Variants in NOX5 observed in about 807,000 individuals in gnomAD.
NOX5 encodes NADPH oxidase 5.
A neutral mutation model predicts 85.7 loss-of-function variants in NOX5; 76 were observed. The ratio of observed to expected loss-of-function variants is 0.89; its 90% CI spans 0.74 to 1.07. The LOEUF (loss-of-function observed/expected upper bound fraction) is 1.07. NOX5 is among the 50% of genes least tolerant of loss of function. NOX5 has a pLI of 0.00. For synonymous variants in NOX5, 405 were observed against 401.4 expected, an observed-to-expected ratio of 1.01 and a Z score of -0.11; for missense variants, 973 against 999.5, an observed-to-expected ratio of 0.97 and a Z score of 0.36.
chr15:69,025,963 G>A (rs1230313231), intron 1 of NOX5, among the ~76,000 whole-genome samples: 1 of 152,188 alleles, frequency 6.6e-6, no homozygotes, highest in East Asian at 1.9e-4. Context: ...AAGCATTTAA[G>A]CAGAGGGTGG....
intron 10 of NOX5, among the ~76,000 whole-genome samples, chr15:69,045,180 T>A (rs904170527): frequency 6.6e-6 from 1 of 152,246 alleles, no homozygotes; most frequent in African/African-American, 2.4e-5. Context: ...ATCACTTGGA[T>A]GTCTCTGAAG....
In NOX5 at chr15:69,035,934, GAGGTGCCCC is replaced by G. The variant is rs751870707; in HGVS notation, c.1188+1_1188+9del. The stretch of plus-strand genomic sequence containing the variant: ...CTGCATCCGCAGGAGTGGCCACTTT[GAGGTGCCCC>G]AGTTGCTGCCCTTTTGCTTCCCCCA... On this transcript the variant is annotated splice_donor_variant and splice_donor_5th_base_variant and coding_sequence_variant and intron_variant, in exon 7 of 16. Transcript: ENST00000388866. LOFTEE classifies it high-confidence loss of function. 6.2e-7 allele frequency: 1 copy of G among 1,614,034 alleles called. No individual in the cohort carries two copies. The highest frequency in any genetic ancestry group is 1.1e-5 in the South Asian group (1 of 91,078).
intron 3 of NOX5, chr15:69,028,753 G>C: frequency 6.5e-6 from 1 of 154,940 alleles, no homozygotes. Flanking sequence ...ATACAGAGTG[G>C]TATAAAAAAG....
chr15:69,036,899 A>G (rs1409368363), intron 7 of NOX5, 129 bp from the exon 8 acceptor site: 5 of 748,082 alleles, frequency 6.7e-6, no homozygotes, highest in Admixed American at 2.4e-5. Context: ...ATCTTACCCA[A>G]CTCCATCCCC....
rs1410020793 is a variant in NOX5 at position 69,058,614 on chromosome 15, C to G, written c.*1918C>G. On this transcript the variant is annotated 3_prime_UTR_variant, in exon 16 of 16. Coordinates refer to ENST00000388866, the MANE Select transcript of NOX5 (RefSeq NM_024505.4). ...GTGCTTGCACCAAGCCTCCATCTCCCTGGACTGGGAGTCAGCAAGGCCAGG... is the reference window on the plus strand; with the variant it reads ...GTGCTTGCACCAAGCCTCCATCTCCGTGGACTGGGAGTCAGCAAGGCCAGG... 1 of 152,230 alleles carries G rather than the reference C, an allele frequency of 6.6e-6. No individual in the cohort carries two copies. The highest frequency in any genetic ancestry group is 1.5e-5 in the Non-Finnish European group (1 of 68,086). The allele number at this position is 152,230 out of a possible 1,614,324, so 9.4% of individuals were successfully genotyped here.
chr15:69,034,672 T>A (rs1205822462), intron 5 of NOX5, among the ~76,000 whole-genome samples: 1 of 152,222 alleles, frequency 6.6e-6, no homozygotes, highest in Non-Finnish European at 1.5e-5. Flanking sequence ...GCAAGGCACC[T>A]CGAGAACTAA....
intron 9 of NOX5, among the ~76,000 whole-genome samples, chr15:69,039,875 A>G (rs552723029): frequency 1.2e-4 from 18 of 152,334 alleles, no homozygotes; most frequent in African/African-American, 3.8e-4. Flanking sequence ...GGCCAGGCCA[A>G]TGATTGGCCT....
Position 69,049,059 on chromosome 15 carries a change from G to T in NOX5, c.1999+1G>T. 1 of 1,607,704 alleles carries T rather than the reference G, an allele frequency of 6.2e-7. No homozygotes were observed. Among genetic ancestry groups the T allele is most frequent in the Admixed American group, 1.7e-5 (1 of 59,496 alleles). ...GACCAGGCCGAGGAGGCTCAATACG[G>T]TAAGAGAGGGACAGGGCCTGAGGGC... On this transcript the variant is annotated splice_donor_variant, in intron 14 of 15. Transcript: ENST00000388866. LOFTEE classifies it high-confidence loss of function.
intron 10 of NOX5, among the ~76,000 whole-genome samples, chr15:69,043,870 C>A (rs1192461077): frequency 3.9e-5 from 6 of 152,188 alleles, no homozygotes; most frequent in Non-Finnish European, 5.9e-5. Flanking sequence ...CCAGCAACTC[C>A]ATTTTAGAGA....
At chr15:69,043,768 C>T (rs1317990525) in intron 10 of NOX5, among the ~76,000 whole-genome samples, 1 of 152,138 alleles carries the variant, frequency 6.6e-6, no homozygotes, top group African/African-American at 2.4e-5. Context: ...TTCTTGGGAC[C>T]TCAGTCACCT....
chr15:69,041,659 A>T (rs1356138947), intron 9 of NOX5, among the ~76,000 whole-genome samples: 1 of 152,226 alleles, frequency 6.6e-6, no homozygotes, highest in Non-Finnish European at 1.5e-5. Flanking sequence ...ATTAACAAAG[A>T]AGCACATGGA....
chr15:69,037,078 CT>C lies in NOX5; in HGVS notation c.1242del (p.His415MetfsTer65), dbSNP rs1215547322. ...SYLLVWLLLIFHGPNFWKWLL... is the reference protein window; with the variant it reads ...SYLLVWLLLIXHGPNFWKWLL... ...ACCTCCTCGTGTGGCTTCTGCTCAT[CT>C]TTCATGGGCCCAACTTCTGGAAGTG... On this transcript the variant is annotated frameshift_variant, in exon 8 of 16. Coordinates refer to ENST00000388866, the MANE Select transcript of NOX5 (RefSeq NM_024505.4). LOFTEE classifies it high-confidence loss of function. 3 of 1,613,938 alleles carry C rather than the reference CT, an allele frequency of 1.9e-6. No individual in the cohort carries two copies. Among genetic ancestry groups the C allele is most frequent in the Non-Finnish European group, 2.5e-6 (3 of 1,180,016 alleles).
In NOX5 at chr15:69,056,775, C is replaced by A; in HGVS notation, c.*79C>A. ...ATTAGTATAAATGCCCCCACAGGGA[C>A]CAGCCTCAGATGACCCACCCAATAA... On this transcript the variant is annotated 3_prime_UTR_variant, in exon 16 of 16. Transcript: ENST00000388866. 1 of 1,545,440 alleles carries A rather than the reference C, an allele frequency of 6.5e-7. No homozygotes were observed. The highest frequency in any genetic ancestry group is 2.2e-4 in the Middle Eastern group (1 of 4,466).
At chr15:69,047,238 A>G (rs984868553) in intron 11 of NOX5, 175 bp from the exon 12 acceptor site, 6 of 760,306 alleles carry the variant, frequency 7.9e-6, no homozygotes, top group Non-Finnish European at 1.2e-5. Context: ...ACTGGTGCTG[A>G]GAGCACAGGA....
At position 69,061,173 on chromosome 15, in the gene NOX5, A is replaced by G. The variant is rs546335917; in HGVS notation, c.*4477A>G. 114 of 152,348 alleles carry G rather than the reference A, an allele frequency of 7.5e-4. 1 individual carries two copies. Among genetic ancestry groups the G allele is most frequent in the African/African-American group, 2.7e-3 (113 of 41,582 alleles). The allele number at this position is 152,348 out of a possible 1,614,324, so 9.4% of individuals were successfully genotyped here. ...AAAACAAAATGCAGAGATTATCTGC[A>G]GTGTTGTCTAAGATCCTGAATATTG... On this transcript the variant is annotated 3_prime_UTR_variant, in exon 16 of 16. Coordinates refer to ENST00000388866, the MANE Select transcript of NOX5 (RefSeq NM_024505.4).
intron 9 of NOX5, among the ~76,000 whole-genome samples, chr15:69,042,151 T>C (rs1055393811): frequency 6.6e-6 from 1 of 151,932 alleles, no homozygotes; most frequent in Admixed American, 6.6e-5. Context: ...GTGGATTCTA[T>C]TTGGTACCAC....
intron 9 of NOX5, among the ~76,000 whole-genome samples, chr15:69,039,376 G>GGT (rs2050564263): frequency 6.6e-6 from 1 of 152,024 alleles, no homozygotes; most frequent in Non-Finnish European, 1.5e-5. Flanking sequence ...GAGCTATGGG[G>GGT]GGTGGCGGGG....
rs138995495 is a variant in NOX5 at position 69,031,761 on chromosome 15, T to C, written c.569T>C (p.Leu190Pro). The change falls in exon 4 of 16, where the codon CTC becomes CCC. Residue 190 changes from leucine to proline, a missense_variant. Physicochemically the swap from Leu to Pro is moderately conservative, Grantham distance 98. Transcript: ENST00000388866. ...AACGGGGCCATCACCTTCGAGGAGC[T>C]CCGGGACGAGCTGCAGCGCTTCCCC... Reference protein sequence around the residue: ...DGNGAITFEELRDELQRFPGV... With the variant: ...DGNGAITFEEPRDELQRFPGV... 5.2e-5 allele frequency: 84 copies of C among 1,608,652 alleles called. No individual in the cohort carries two copies. The highest frequency in any genetic ancestry group is 7.1e-5 in the Non-Finnish European group (83 of 1,176,326).
At chr15:69,019,540 G>A (rs1381755085) in intron 1 of NOX5, among the ~76,000 whole-genome samples, 2 of 152,196 alleles carry the variant, frequency 1.3e-5, no homozygotes, top group African/African-American at 2.4e-5. Context: ...GTATGCTCAT[G>A]GATACCATCA....
Sources: gnomAD v4.1 joint callset for allele counts (sites outside exome capture counted in the v4.1 genomes callset) on GRCh38, gnomAD v4.1.1 for gene constraint, MANE v1.5 for transcripts, NCBI Gene and HGNC (gene_info 2026-07-23, HGNC 2026-07-21) for gene names.